Variants in HEATR4 observed in about 807,000 individuals in gnomAD.
HEATR4 encodes the protein HEAT repeat containing 4.
Under a neutral mutation model 108.8 loss-of-function variants are expected in HEATR4, and 95 were observed. That is an observed-to-expected ratio of 0.87 (90% confidence interval 0.74 to 1.04). The LOEUF is 1.04. Among genes scored for constraint, HEATR4 ranks in the 50% least tolerant of loss-of-function variants. HEATR4 has a pLI of 0.00. For synonymous variants in HEATR4, 443 were observed against 459.4 expected (o/e 0.96, Z 0.46); for missense variants, 1,152 against 1,253.8 (o/e 0.92, Z 1.23).
At chr14:73,536,431 C>T (rs926176381) in intron 1 of HEATR4, among the ~76,000 whole-genome samples, 1 of 106,492 alleles carries the variant, frequency 9.4e-6, no homozygotes, top group African/African-American at 3.1e-5. Context: ...TGGCTTTAGC[C>T]CAGGAGTTTG....
intron 1 of HEATR4, chr14:73,543,042 T>G: frequency 2.3e-6 from 3 of 1,329,632 alleles, no homozygotes; most frequent in Non-Finnish European, 3.1e-6. Context: ...CCTTTGTCCC[T>G]TTCTCAGGTA....
At chr14:73,608,991 C>T in the HEATR4 span, among the ~76,000 whole-genome samples, 3 of 152,158 alleles carry the variant, frequency 2.0e-5, no homozygotes, top group African/African-American at 7.2e-5. Context: ...AGACTAACCA[C>T]CCCCATGATT....
the HEATR4 span, chr14:73,571,252 T>A: frequency 5.2e-5 from 8 of 154,458 alleles, no homozygotes; most frequent in Admixed American, 4.5e-4. Context: ...CCTCTCCTCT[T>A]GGCCTCGAAT....
At chr14:73,604,694 G>A in the HEATR4 span, among the ~76,000 whole-genome samples, 1 of 151,980 alleles carries the variant, frequency 6.6e-6, no homozygotes, top group African/African-American at 2.4e-5. Flanking sequence ...CAACATGTTG[G>A]TCAGGTTGGT....
the HEATR4 span, among the ~76,000 whole-genome samples, chr14:73,585,337 G>T: frequency 1.1e-4 from 17 of 152,086 alleles, no homozygotes; most frequent in African/African-American, 3.6e-4. Flanking sequence ...CACTTTCTGG[G>T]GTCCTGTGCC....
rs534669266 is a variant in HEATR4 at position 73,491,398 on chromosome 14, G to T, written c.2844+1668C>A. 60 of 1,346,102 alleles carry T rather than the reference G, an allele frequency of 4.5e-5. No homozygotes were observed. In the African/African-American group the frequency reaches 8.9e-4, roughly 20 times the overall value. 83.4% of individuals were successfully genotyped at this position (1,346,102 alleles called of 1,614,324 possible). On this transcript the variant is annotated intron_variant, in intron 17 of 17. Coordinates refer to ENST00000553558, the MANE Select transcript of HEATR4 (RefSeq NM_001220484.1). ...CGGCGCGCCTGGTGCCCGCTTCCGC[G>T]CCGCCCGCGCGCCTGGTGGAGGTGC... is the stretch of plus-strand genomic sequence containing the variant.
At chr14:73,626,506 T>A in the HEATR4 span, among the ~76,000 whole-genome samples, 46 of 152,126 alleles carry the variant, frequency 3.0e-4, no homozygotes, top group Non-Finnish European at 6.5e-4. Context: ...TTATTAAATT[T>A]AAGGAAAGAA....
chr14:73,590,690 C>T, the HEATR4 span, among the ~76,000 whole-genome samples: 1 of 152,046 alleles, frequency 6.6e-6, no homozygotes, highest in African/African-American at 2.4e-5. Context: ...TGCTAAGCCC[C>T]TCACTGCCCG....
chr14:73,618,347 A>G, the HEATR4 span, among the ~76,000 whole-genome samples: 1 of 146,224 alleles, frequency 6.8e-6, no homozygotes, highest in African/African-American at 2.8e-5. Context: ...AACAGCTCTG[A>G]TCCTGCTTCC....
chr14:73,546,361 A>T (rs1212828994), intron 1 of HEATR4, among the ~76,000 whole-genome samples: 4 of 93,326 alleles, frequency 4.3e-5, no homozygotes, highest in African/African-American at 1.1e-4. Context: ...GACATTTCGT[A>T]TTTTTTTTTT....
At chr14:73,594,861 C>T in the HEATR4 span, among the ~76,000 whole-genome samples, 419 of 152,224 alleles carry the variant, frequency 2.8e-3, no homozygotes, top group Non-Finnish European at 5.0e-3. Context: ...CCACCACACT[C>T]GGCTAATTTT....
the HEATR4 span, among the ~76,000 whole-genome samples, chr14:73,566,147 G>T: frequency 9.2e-5 from 14 of 152,210 alleles, no homozygotes; most frequent in African/African-American, 3.4e-4. Flanking sequence ...GACACAGGGT[G>T]CTGATTGGTG....
chr14:73,492,434 C>T lies in HEATR4; in HGVS notation c.2844+632G>A. ...CCAGCATTCAGATTCTAAGGATCCG[C>T]GAAGAACCGCTTTCATGGAGAAGGT... On this transcript the variant is annotated intron_variant, in intron 17 of 17. Transcript: ENST00000553558. The surrounding 1 kb of genome is among the most constrained non-coding windows in gnomAD (Gnocchi z 4.9). The T allele has an allele frequency of 1.2e-6, 2 of 1,613,790 alleles. No individual in the cohort carries two copies. The highest frequency in any genetic ancestry group is 1.7e-6 in the Non-Finnish European group (2 of 1,179,778).
the HEATR4 span, among the ~76,000 whole-genome samples, chr14:73,572,852 G>T: frequency 2.7e-5 from 4 of 149,336 alleles, no homozygotes; most frequent in Non-Finnish European, 4.5e-5. Flanking sequence ...CACCATGTTG[G>T]CCAGGCTGGT....
chr14:73,612,549 G>A, the HEATR4 span: 1 of 1,293,950 alleles, frequency 7.7e-7, no homozygotes. Context: ...GAGCTGGGTC[G>A]CCCCTGTTCT....
chr14:73,549,066 G>A lies in HEATR4; in HGVS notation c.-152+9685C>T, dbSNP rs113624418. Among the ~76,000 whole-genome samples the A allele has an allele frequency of 3.2e-4, 36 of 113,590 alleles. 10 individuals are homozygous for A. The highest frequency in any genetic ancestry group is 4.9e-4 in the African/African-American group (17 of 35,020). 74.5% of individuals were successfully genotyped at this position (113,590 alleles called of 152,430 possible). On this transcript the variant is annotated intron_variant, in intron 1 of 17. Coordinates refer to ENST00000553558, the MANE Select transcript of HEATR4 (RefSeq NM_001220484.1). ...GAAATGTATTGCTCACAGTTTTGGA[G>A]GCTAGGAAATCCAAGATCAAGGCAC...
the HEATR4 span, chr14:73,612,999 CG>C: frequency 6.1e-6 from 6 of 986,210 alleles, no homozygotes; most frequent in Non-Finnish European, 8.3e-6. Context: ...CGCGCGGGCC[CG>C]GTGCGCGCCG....
intron 17 of HEATR4, among the ~76,000 whole-genome samples, chr14:73,490,245 C>T (rs184150049): frequency 6.6e-6 from 1 of 152,274 alleles, no homozygotes; most frequent in East Asian, 1.9e-4. Context: ...CCTGTCTCAG[C>T]CTCCCGAGTA....
At chr14:73,499,229 C>G in intron 12 of HEATR4, 89 bp from the exon 13 acceptor site, 1 of 1,174,832 alleles carries the variant, frequency 8.5e-7, no homozygotes, top group Non-Finnish European at 1.3e-6. Flanking sequence ...CCCTGTAATC[C>G]CAGCATTTTG....
Sources: allele counts gnomAD v4.1 joint callset (sites outside exome capture counted in the v4.1 genomes callset), GRCh38; gene constraint gnomAD v4.1.1; non-coding constraint Gnocchi (gnomAD v3.1); transcripts MANE v1.5; gene names NCBI Gene and HGNC (gene_info 2026-07-23, HGNC 2026-07-21).